The following HPSE2 variants were observed in gnomAD, a reference collection of about 807,000 sequenced individuals.
HPSE2 encodes heparanase 2 (inactive).
Under a neutral mutation model 60.5 loss-of-function variants are expected in HPSE2, and 38 were observed. That is an observed-to-expected ratio of 0.63 (90% confidence interval 0.48 to 0.82). The LOEUF (loss-of-function observed/expected upper bound fraction) is 0.82, where lower values mean the gene tolerates loss of function less well. Ranked by LOEUF, HPSE2 falls within the 40% of genes least tolerant of loss-of-function variation. The pLI is 0.00. For missense variants in HPSE2, 713 were observed against 740.4 expected (o/e 0.96, Z 0.43); for synonymous variants, 295 against 293.2 (o/e 1.01, Z -0.06).
At chr10:98,947,331 T>C (rs1008268867) in intron 3 of HPSE2, among the ~76,000 whole-genome samples, 3 of 152,086 alleles carry the variant, frequency 2.0e-5, no homozygotes, top group Non-Finnish European at 2.9e-5. Context: ...GACTATAATA[T>C]GGTTAGAGAA....
chr10:98,561,844 T>G (rs1944193779), intron 9 of HPSE2, among the ~76,000 whole-genome samples: 1 of 88,248 alleles, frequency 1.1e-5, no homozygotes, highest in Non-Finnish European at 2.5e-5. Flanking sequence ...CTAAACTCAG[T>G]CTCAAAAACA....
At chr10:99,135,719 A>C (rs1564836008) in intron 3 of HPSE2, among the ~76,000 whole-genome samples, 1 of 152,250 alleles carries the variant, frequency 6.6e-6, no homozygotes, top group African/African-American at 2.4e-5. Flanking sequence ...AGAGAAATTT[A>C]TAACACTAAA....
chr10:99,239,305 G>T (rs180807417), upstream of HPSE2, among the ~76,000 whole-genome samples: 242 of 151,782 alleles, frequency 1.6e-3, 1 homozygote, highest in African/African-American at 5.3e-3. Flanking sequence ...AAGAGCCCAG[G>T]TTCCCAGAAC....
chr10:98,621,097 C>T (rs553810183), intron 7 of HPSE2, among the ~76,000 whole-genome samples: 4 of 152,156 alleles, frequency 2.6e-5, no homozygotes, highest in Middle Eastern at 3.4e-3. Flanking sequence ...CTATGACACA[C>T]GTACTCCCTA....
At chr10:98,585,768 G>A (rs61884983) in intron 9 of HPSE2, among the ~76,000 whole-genome samples, 84,081 of 150,656 alleles carry the variant, frequency 0.56, 23,637 homozygotes, top group Admixed American at 0.6. Flanking sequence ...CCTGGCCAAC[G>A]TGGTGAAACC....
intron 3 of HPSE2, among the ~76,000 whole-genome samples, chr10:98,826,013 A>G (rs553107067): frequency 3.9e-5 from 6 of 152,356 alleles, no homozygotes; most frequent in African/African-American, 1.4e-4. Context: ...AATTAAATTC[A>G]GCTGTTACTT....
At chr10:99,205,029 GC>G (rs1398147410) in intron 2 of HPSE2, among the ~76,000 whole-genome samples, 2 of 152,128 alleles carry the variant, frequency 1.3e-5, no homozygotes, top group Non-Finnish European at 2.9e-5. Context: ...ATAAGTGGAA[GC>G]TAAACAATGG....
At chr10:98,965,575 G>A (rs548896655) in intron 3 of HPSE2, among the ~76,000 whole-genome samples, 1 of 152,050 alleles carries the variant, frequency 6.6e-6, no homozygotes, top group African/African-American at 2.4e-5. Flanking sequence ...TCCAACTCCC[G>A]TATTCACTTT....
chr10:99,147,838 T>C (rs1399007606), intron 2 of HPSE2, among the ~76,000 whole-genome samples: 2 of 152,200 alleles, frequency 1.3e-5, no homozygotes, highest in East Asian at 1.9e-4. Context: ...GTTAGTATCA[T>C]GTATGACACA....
At chr10:98,907,022 C>T (rs929852876) in intron 3 of HPSE2, among the ~76,000 whole-genome samples, 6 of 152,150 alleles carry the variant, frequency 3.9e-5, no homozygotes, top group East Asian at 1.9e-4. Flanking sequence ...TAGGCACGCA[C>T]GTAATCTTAT....
chr10:98,651,772 C>T (rs1474455666), intron 6 of HPSE2, among the ~76,000 whole-genome samples: 13 of 144,708 alleles, frequency 9.0e-5, no homozygotes, highest in African/African-American at 3.2e-4. Context: ...AGAACTAGTT[C>T]CTTTTTTTTT....
chr10:98,915,719 G>A lies in HPSE2; in HGVS notation c.611-171663C>T, dbSNP rs115122349. 6.8e-3 allele frequency among the ~76,000 whole-genome samples: 1,032 copies of A among 152,208 alleles called. 12 individuals are homozygous for A. The highest frequency in any genetic ancestry group is 0.024 in the African/African-American group (977 of 41,524). On this transcript the variant is annotated intron_variant, in intron 3 of 11. Transcript: ENST00000370552. The stretch of plus-strand genomic sequence containing the variant: ...AATGCTCTCAATAATCTTGTTCCAT[G>A]AAAAGTGTGAATGAGAAGAAAAATA...
At chr10:99,172,183 C>T (rs1202436506) in intron 2 of HPSE2, among the ~76,000 whole-genome samples, 1 of 152,154 alleles carries the variant, frequency 6.6e-6, no homozygotes, top group Non-Finnish European at 1.5e-5. Context: ...GCCTTGCCTC[C>T]CTCCTTCTCT....
intron 3 of HPSE2, among the ~76,000 whole-genome samples, chr10:98,923,781 C>G (rs1218400511): frequency 6.6e-6 from 1 of 151,988 alleles, no homozygotes; most frequent in East Asian, 1.9e-4. Context: ...GTTAAATTTA[C>G]CTGATAAAAT....
rs927155241 is a variant in HPSE2, at chr10:98,941,754, A to C, written c.611-197698T>G. ...CTTTAAAGTTCATATGGAACCAAAA[A>C]AGAGCCCGCATCGCCAAGTCAATCC... On this transcript the variant is annotated intron_variant, in intron 3 of 11. Coordinates refer to ENST00000370552, the MANE Select transcript of HPSE2 (RefSeq NM_021828.5). Among the ~76,000 whole-genome samples, 31 of 136,954 alleles carry C rather than the reference A, an allele frequency of 2.3e-4. 2 individuals are homozygous for C. The highest frequency in any genetic ancestry group is 4.0e-4 in the Non-Finnish European group (26 of 65,392). 89.8% of individuals were successfully genotyped at this position (136,954 alleles called of 152,430 possible).
intron 3 of HPSE2, among the ~76,000 whole-genome samples, chr10:98,985,499 C>A (rs1252042009): frequency 6.6e-6 from 1 of 152,202 alleles, no homozygotes. Flanking sequence ...AAGCACTAAA[C>A]ATGGAAAGGA....
At chr10:99,147,717 G>C (rs753100306) in intron 2 of HPSE2, among the ~76,000 whole-genome samples, 4 of 152,126 alleles carry the variant, frequency 2.6e-5, no homozygotes, top group Non-Finnish European at 5.9e-5. Context: ...TAAAGTAAAA[G>C]TATGAATTCC....
chr10:99,174,523 G>A (rs942700915), intron 2 of HPSE2, among the ~76,000 whole-genome samples: 2 of 152,124 alleles, frequency 1.3e-5, no homozygotes, highest in Non-Finnish European at 2.9e-5. Context: ...GTTAATAAAG[G>A]TATCAATACT....
chr10:98,793,803 G>A (rs1950712104), intron 3 of HPSE2, among the ~76,000 whole-genome samples: 1 of 152,208 alleles, frequency 6.6e-6, no homozygotes, highest in Admixed American at 6.5e-5. Flanking sequence ...GGAGAATGCT[G>A]TAAGCAGAGA....
Sources: gnomAD v4.1 joint callset for allele counts (sites outside exome capture counted in the v4.1 genomes callset) on GRCh38, gnomAD v4.1.1 for gene constraint, MANE v1.5 for transcripts, NCBI Gene and HGNC (gene_info 2026-07-23, HGNC 2026-07-21) for gene names.